FGGY: variants seen among roughly 807,000 people sequenced by gnomAD.
FGGY encodes the protein FGGY carbohydrate kinase domain containing, also known as FGGY carbohydrate kinase domain-containing protein.
In FGGY, 72 loss-of-function variants were observed where a neutral mutation model predicts 71.3. That is an observed-to-expected ratio of 1.01 (90% CI 0.84 to 1.23). FGGY has a LOEUF of 1.23. FGGY is among the 50% of genes most tolerant of loss of function. The pLI is 0.00. For synonymous variants in FGGY, 251 were observed against 250.3 expected (o/e 1.00, Z -0.02); for missense variants, 668 against 682.3 (o/e 0.98, Z 0.23).
intron 11 of FGGY, among the ~76,000 whole-genome samples, chr1:59,646,361 A>T (rs1162912858): frequency 6.6e-6 from 1 of 151,910 alleles, no homozygotes; most frequent in Non-Finnish European, 1.5e-5. Context: ...CAAATCCTAT[A>T]ACAAAGCTTA....
At chr1:59,537,644 C>G (rs1288584601) in intron 7 of FGGY, among the ~76,000 whole-genome samples, 6 of 152,106 alleles carry the variant, frequency 3.9e-5, no homozygotes, top group South Asian at 2.1e-4. Context: ...GGTACCAAAA[C>G]AGAAATATAG....
At chr1:59,510,137 CA>C (rs1437742824) in intron 6 of FGGY, among the ~76,000 whole-genome samples, 1 of 151,312 alleles carries the variant, frequency 6.6e-6, no homozygotes, top group African/African-American at 2.4e-5. Context: ...ACTTTTACTC[CA>C]AAAGGTAATG....
At chr1:59,452,952 G>A (rs932333901) in intron 5 of FGGY, among the ~76,000 whole-genome samples, 24 of 152,336 alleles carry the variant, frequency 1.6e-4, no homozygotes, top group African/African-American at 5.5e-4. Context: ...AGGGCAAGTT[G>A]CTAAAACACT....
chr1:59,754,514 C>T (rs2098274081), intron 14 of FGGY, among the ~76,000 whole-genome samples: 1 of 152,148 alleles, frequency 6.6e-6, no homozygotes, highest in Non-Finnish European at 1.5e-5. Context: ...ACCTCTGCCT[C>T]CCAGGTTCAA....
chr1:59,395,287 A>G lies in FGGY; in HGVS notation c.554+16450A>G, dbSNP rs74087430. Among the ~76,000 whole-genome samples, 416 of 152,138 alleles carry G rather than the reference A, an allele frequency of 2.7e-3. 1 individual carries two copies. Among genetic ancestry groups the G allele is most frequent in the African/African-American group, 9.7e-3 (403 of 41,518 alleles). On this transcript the variant is annotated intron_variant, in intron 5 of 15. Coordinates refer to ENST00000303721, the MANE Select transcript of FGGY (RefSeq NM_018291.5). ...AATCGACTGGGAAGAGTTTTTTTTC[A>G]TACCATTATATTTTAAAAGCTGCAA...
At chr1:59,590,427 A>G (rs2096407512) in intron 8 of FGGY, among the ~76,000 whole-genome samples, 1 of 152,230 alleles carries the variant, frequency 6.6e-6, no homozygotes, top group East Asian at 1.9e-4. Context: ...TATCCTCCCT[A>G]ACTCATTTTA....
chr1:59,401,387 C>A (rs998366738), intron 5 of FGGY, among the ~76,000 whole-genome samples: 25 of 152,142 alleles, frequency 1.6e-4, no homozygotes, highest in African/African-American at 5.6e-4. Context: ...GACATTGTAA[C>A]AATGTCTTGA....
chr1:59,698,978 T>C (rs1328359977), intron 14 of FGGY: 1 of 985,172 alleles, frequency 1.0e-6, no homozygotes, highest in Non-Finnish European at 1.2e-6. Flanking sequence ...CAAATCTAAA[T>C]GAAAACCATG....
intron 14 of FGGY, among the ~76,000 whole-genome samples, chr1:59,750,255 T>G (rs1032774658): frequency 6.6e-6 from 1 of 152,140 alleles, no homozygotes; most frequent in African/African-American, 2.4e-5. Flanking sequence ...AGAGACCAAT[T>G]TGAGGTATGT....
intron 5 of FGGY, among the ~76,000 whole-genome samples, chr1:59,414,716 G>A (rs866258658): frequency 5.9e-5 from 9 of 152,196 alleles, no homozygotes; most frequent in Admixed American, 3.9e-4. Context: ...GAGGGGCTAC[G>A]AGCAGGCCCT....
rs149410578 is a variant in FGGY, at chr1:59,573,913, C to G, written c.903+19686C>G. ...CACTCAAGCTAAACTGTTGAGCCTTCTACTACATAGCATATTTCCATTCTT... is the reference window on the plus strand; with the variant it reads ...CACTCAAGCTAAACTGTTGAGCCTTGTACTACATAGCATATTTCCATTCTT... On this transcript the variant is annotated intron_variant, in intron 8 of 15. Coordinates refer to ENST00000303721, the MANE Select transcript of FGGY (RefSeq NM_018291.5). Among the ~76,000 whole-genome samples, 7 of 152,324 alleles carry G rather than the reference C, an allele frequency of 4.6e-5. No homozygotes were observed. The South Asian group carries it at 6.2e-4, about 14-fold the overall frequency.
intron 14 of FGGY, among the ~76,000 whole-genome samples, chr1:59,716,653 T>C (rs1558888711): frequency 6.6e-6 from 1 of 152,150 alleles, no homozygotes; most frequent in Admixed American, 6.5e-5. Context: ...ACAGCAGGCA[T>C]TTTAAAGTAA....
chr1:59,444,928 G>C lies in FGGY; in HGVS notation c.555-12033G>C, dbSNP rs537446955. ...AGTTGTAATTGTGTATCCTTTAACA[G>C]ATCTCTCCCTATCTTTTTACATGTC... On this transcript the variant is annotated intron_variant, in intron 5 of 15. Coordinates refer to ENST00000303721, the MANE Select transcript of FGGY (RefSeq NM_018291.5). 7.9e-5 allele frequency among the ~76,000 whole-genome samples: 12 copies of C among 152,220 alleles called. No homozygotes were observed. In the East Asian group the frequency reaches 1.4e-3, roughly 17 times the overall value.
intron 13 of FGGY, among the ~76,000 whole-genome samples, chr1:59,670,038 G>T (rs1397656863): frequency 6.6e-6 from 1 of 152,168 alleles, no homozygotes; most frequent in Non-Finnish European, 1.5e-5. Context: ...TGGACCTTTT[G>T]TCTCTAACTA....
Position 59,331,516 on chromosome 1 carries a change from A to G in FGGY, c.202-8442A>G, listed in dbSNP as rs1244325749. ...CTTCCCCCAGATTTCCATGAGGTCC[A>G]CTCCTCATGTCTTTCAGGTGTATCC... On this transcript the variant is annotated intron_variant, in intron 2 of 15. Coordinates refer to ENST00000303721, the MANE Select transcript of FGGY (RefSeq NM_018291.5). Among the ~76,000 whole-genome samples the G allele has an allele frequency of 4.0e-5, 6 of 151,822 alleles. No homozygotes were observed. The South Asian group carries it at 8.3e-4, about 21-fold the overall frequency.
intron 4 of FGGY, among the ~76,000 whole-genome samples, chr1:59,359,186 CTTTA>C (rs2054924972): frequency 6.6e-6 from 1 of 152,134 alleles, no homozygotes; most frequent in Admixed American, 6.5e-5. Flanking sequence ...TTAATAATGA[CTTTA>C]TTTTTCTATC....
chr1:59,359,591 A>G (rs961955296), intron 4 of FGGY, among the ~76,000 whole-genome samples: 1 of 152,190 alleles, frequency 6.6e-6, no homozygotes, highest in Non-Finnish European at 1.5e-5. Flanking sequence ...GGGTCTTGGA[A>G]GTGCTGACAC....
At chr1:59,436,500 A>G (rs910940317) in intron 5 of FGGY, among the ~76,000 whole-genome samples, 1 of 152,190 alleles carries the variant, frequency 6.6e-6, no homozygotes, top group African/African-American at 2.4e-5. Flanking sequence ...CAGCATGTTC[A>G]TCTCATTCTT....
Position 59,660,240 on chromosome 1 carries a change from C to G in FGGY, c.1243C>G (p.Gln415Glu), listed in dbSNP as rs1195031438. 1.9e-6 allele frequency: 3 copies of G among 1,613,594 alleles called. No homozygotes were observed. The highest frequency in any genetic ancestry group is 2.2e-5 in the East Asian group (1 of 44,884). ...GCAGGTCACCGGATTGAAACTGTCT[C>G]AGGACCTTGATGATCTTGCCATTCT... ...KGMVTGLKLS[Q>E]DLDDLAILYL... is the part of the protein sequence containing the mutation. Residue 415 changes from glutamine to glutamate, a missense_variant, in exon 12 of 16, where the codon CAG (glutamine) becomes GAG (glutamate). Physicochemically the swap from Gln to Glu is conservative, Grantham distance 29. Transcript: ENST00000303721.
Sources: gnomAD v4.1 joint callset for allele counts (sites outside exome capture counted in the v4.1 genomes callset) on GRCh38, gnomAD v4.1.1 for gene constraint, MANE v1.5 for transcripts, NCBI Gene and HGNC (gene_info 2026-07-23, HGNC 2026-07-21) for gene names.